OR2L13: variants seen among roughly 807,000 people sequenced by gnomAD.
OR2L13 encodes the protein olfactory receptor family 2 subfamily L member 13, also known as olfactory receptor 2L13.
A neutral mutation model predicts 15.3 loss-of-function variants in OR2L13; 14 were observed. The observed-to-expected ratio is 0.91, with a 90% confidence interval of 0.60 to 1.43. The LOEUF (loss-of-function observed/expected upper bound fraction) is 1.43, where lower values mean the gene tolerates loss of function less well. Among genes scored for constraint, OR2L13 ranks in the 40% most tolerant of loss-of-function variants. The pLI is 0.00. For missense variants in OR2L13, 367 were observed against 387.9 expected (o/e 0.95, Z 0.45); for synonymous variants, 152 against 142.9 (o/e 1.06, Z -0.45).
chr1:248,013,235 A>G, the OR2L13 span, among the ~76,000 whole-genome samples: 1 of 152,306 alleles, frequency 6.6e-6, no homozygotes, highest in East Asian at 1.9e-4. Flanking sequence ...AAATTAATAT[A>G]TACAGACACA....
the OR2L13 span, among the ~76,000 whole-genome samples, chr1:247,966,587 T>C: frequency 6.6e-6 from 1 of 152,234 alleles, no homozygotes; most frequent in South Asian, 2.1e-4. Flanking sequence ...AGATAATCTA[T>C]ATAACAACCA....
At chr1:248,013,123 T>C in the OR2L13 span, among the ~76,000 whole-genome samples, 1 of 151,560 alleles carries the variant, frequency 6.6e-6, no homozygotes, top group African/African-American at 2.4e-5. Flanking sequence ...AACTCCAATA[T>C]GTGATATTTT....
the OR2L13 span, among the ~76,000 whole-genome samples, chr1:247,971,093 A>G: frequency 6.6e-6 from 1 of 152,340 alleles, no homozygotes; most frequent in African/African-American, 2.4e-5. Flanking sequence ...ATAAACATAT[A>G]TTTATTTCTA....
At chr1:248,073,587 T>G in the OR2L13 span, among the ~76,000 whole-genome samples, 1 of 151,580 alleles carries the variant, frequency 6.6e-6, no homozygotes, top group African/African-American at 2.4e-5. Context: ...GTAACTAACC[T>G]GCACATTGTG....
the OR2L13 span, among the ~76,000 whole-genome samples, chr1:248,078,874 C>T: frequency 6.6e-6 from 1 of 152,112 alleles, no homozygotes; most frequent in Non-Finnish European, 1.5e-5. Flanking sequence ...AAGTTAATCT[C>T]TGAAGTTTAC....
At chr1:247,982,898 ATTTT>A in the OR2L13 span, among the ~76,000 whole-genome samples, 1 of 152,038 alleles carries the variant, frequency 6.6e-6, no homozygotes, top group Non-Finnish European at 1.5e-5. Context: ...AACCTCTTAT[ATTTT>A]TGTTTTGGGT....
the OR2L13 span, among the ~76,000 whole-genome samples, chr1:248,026,611 T>A: frequency 6.6e-6 from 1 of 152,300 alleles, no homozygotes; most frequent in African/African-American, 2.4e-5. Flanking sequence ...GGACCCCGAA[T>A]GGAGGGACCG....
chr1:247,964,753 T>C, the OR2L13 span, among the ~76,000 whole-genome samples: 199 of 151,372 alleles, frequency 1.3e-3, no homozygotes, highest in African/African-American at 3.9e-3. Context: ...AACTTTTATC[T>C]TTTTTATAAG....
the OR2L13 span, among the ~76,000 whole-genome samples, chr1:247,957,693 T>G: frequency 2.0e-5 from 3 of 152,220 alleles, no homozygotes; most frequent in South Asian, 2.1e-4. Flanking sequence ...GTTGAGGAAT[T>G]TATCCATTTC....
upstream of OR2L13, among the ~76,000 whole-genome samples, chr1:248,091,253 A>G (rs1664590326): frequency 6.6e-6 from 1 of 152,028 alleles, no homozygotes; most frequent in South Asian, 2.1e-4. Context: ...TTCTTTTGAT[A>G]GTTTATTTTG....
chr1:248,100,473 A>C, exon 3 of OR2L13: 3 of 372,080 alleles, frequency 8.1e-6, no homozygotes, highest in Non-Finnish European at 9.9e-6. Context: ...ATTCAAAACA[A>C]TGTTATAATT....
At chr1:248,073,953 A>G in the OR2L13 span, among the ~76,000 whole-genome samples, 1 of 152,018 alleles carries the variant, frequency 6.6e-6, no homozygotes, top group African/African-American at 2.4e-5. Flanking sequence ...AACTCATAAG[A>G]AAAGCCCACT....
chr1:247,979,523 G>A, the OR2L13 span, among the ~76,000 whole-genome samples: 1 of 147,716 alleles, frequency 6.8e-6, no homozygotes, highest in Non-Finnish European at 1.5e-5. Flanking sequence ...AGTATTTCAT[G>A]GTGTATATGT....
the OR2L13 span, among the ~76,000 whole-genome samples, chr1:248,013,947 C>T: frequency 9.9e-5 from 15 of 151,978 alleles, no homozygotes; most frequent in African/African-American, 3.4e-4. Flanking sequence ...AAATGTGTTT[C>T]CCGGATTGGA....
the OR2L13 span, among the ~76,000 whole-genome samples, chr1:247,979,325 C>A: frequency 6.6e-6 from 1 of 152,060 alleles, no homozygotes; most frequent in Non-Finnish European, 1.5e-5. Flanking sequence ...CACCACCCCC[C>A]AAAAGGCCCC....
At chr1:248,020,073 G>GCAC in the OR2L13 span, among the ~76,000 whole-genome samples, 1 of 152,054 alleles carries the variant, frequency 6.6e-6, no homozygotes, top group Admixed American at 6.6e-5. Context: ...GTGAACAAAC[G>GCAC]CACCTGACCT....
the OR2L13 span, chr1:247,975,326 C>G: frequency 7.8e-6 from 4 of 511,982 alleles, no homozygotes; most frequent in Admixed American, 5.0e-5. Flanking sequence ...TTTTTGAGCA[C>G]AACCCTCTTT....
the OR2L13 span, among the ~76,000 whole-genome samples, chr1:247,980,310 A>T: frequency 2.0e-5 from 3 of 152,174 alleles, no homozygotes; most frequent in Admixed American, 6.5e-5. Context: ...TATGTTAAAG[A>T]TAACTCCAAT....
the OR2L13 span, among the ~76,000 whole-genome samples, chr1:248,054,834 C>A: frequency 8.5e-5 from 13 of 152,104 alleles, no homozygotes; most frequent in Non-Finnish European, 1.5e-4. Context: ...GCTTAAGAAG[C>A]CTTTGGGCTG....
Sources: allele counts gnomAD v4.1 joint callset (sites outside exome capture counted in the v4.1 genomes callset), GRCh38; gene constraint gnomAD v4.1.1; transcripts MANE v1.5; gene names NCBI Gene and HGNC (gene_info 2026-07-23, HGNC 2026-07-21).